Variants in DYNC2I2 observed in about 807,000 individuals in gnomAD.
DYNC2I2 encodes dynein 2 intermediate chain 2, also known as cytoplasmic dynein 2 intermediate chain 2.
A neutral mutation model predicts 52.0 loss-of-function variants in DYNC2I2; 39 were observed. The observed-to-expected ratio is 0.75, with a 90% CI of 0.58 to 0.98. DYNC2I2 has a LOEUF of 0.98. Ranked by LOEUF, DYNC2I2 falls within the 50% of genes least tolerant of loss-of-function variation. The pLI, the probability that DYNC2I2 is intolerant of heterozygous loss-of-function variation, is 0.00. For synonymous variants in DYNC2I2, 359 were observed against 321.1 expected (o/e 1.12, Z -1.26); for missense variants, 743 against 728.4 (o/e 1.02, Z -0.23).
the DYNC2I2 span, among the ~76,000 whole-genome samples, chr9:128,666,903 C>T: frequency 7.2e-5 from 11 of 151,824 alleles, no homozygotes; most frequent in Admixed American, 1.3e-4. Flanking sequence ...CCTGTTGCTA[C>T]GAAATACAAA....
chr9:128,679,908 A>C, the DYNC2I2 span, among the ~76,000 whole-genome samples: 1 of 152,148 alleles, frequency 6.6e-6, no homozygotes, highest in Non-Finnish European at 1.5e-5. Context: ...TTCATGAATG[A>C]AATACACTGG....
chr9:128,634,058 G>T, intron 8 of DYNC2I2, 76 bp from the exon 9 acceptor site: 1 of 1,570,224 alleles, frequency 6.4e-7, no homozygotes, highest in Non-Finnish European at 8.7e-7. Context: ...GCTAATGCCC[G>T]GGTTCAATCC....
chr9:128,673,631 G>A, the DYNC2I2 span, among the ~76,000 whole-genome samples: 2 of 150,624 alleles, frequency 1.3e-5, no homozygotes, highest in Non-Finnish European at 2.9e-5. Context: ...TCAGCCTCCC[G>A]AGTAGCTGGA....
chr9:128,679,598 G>T, the DYNC2I2 span, among the ~76,000 whole-genome samples: 1 of 151,840 alleles, frequency 6.6e-6, no homozygotes, highest in African/African-American at 2.4e-5. Flanking sequence ...TGAGTGGCTG[G>T]GACTAAAGTC....
upstream of DYNC2I2, chr9:128,656,917 G>A (rs1362618018): frequency 3.6e-6 from 2 of 560,368 alleles, no homozygotes; most frequent in Non-Finnish European, 2.8e-6. Flanking sequence ...GACCGGTTTT[G>A]CATACCCTGT....
the DYNC2I2 span, among the ~76,000 whole-genome samples, chr9:128,676,850 T>TG: frequency 2.2e-5 from 3 of 137,722 alleles, no homozygotes; most frequent in Non-Finnish European, 4.7e-5. Context: ...TTTTTTTTTT[T>TG]GTTTTGTTTT....
chr9:128,651,939 G>GAAAT, intron 1 of DYNC2I2: 1 of 143,010 alleles, frequency 7.0e-6, no homozygotes, highest in Admixed American at 7.0e-5. Context: ...AAAAAAGAAA[G>GAAAT]AAATATAGCA....
At chr9:128,668,715 G>A in the DYNC2I2 span, among the ~76,000 whole-genome samples, 2 of 151,696 alleles carry the variant, frequency 1.3e-5, no homozygotes, top group African/African-American at 4.8e-5. Flanking sequence ...AGCTACTGGG[G>A]AGGCTGAGGC....
chr9:128,647,082 G>A (rs552209267), intron 1 of DYNC2I2, among the ~76,000 whole-genome samples: 10 of 152,270 alleles, frequency 6.6e-5, no homozygotes, highest in African/African-American at 1.7e-4. Flanking sequence ...CTGAGATTGC[G>A]CCATCACACT....
the DYNC2I2 span, among the ~76,000 whole-genome samples, chr9:128,671,375 C>A: frequency 6.8e-6 from 1 of 147,228 alleles, no homozygotes; most frequent in Non-Finnish European, 1.5e-5. Context: ...GATTTCAGTT[C>A]ACTGCAAACT....
upstream of DYNC2I2, among the ~76,000 whole-genome samples, chr9:128,658,066 G>T (rs1860868565): frequency 6.6e-6 from 1 of 151,922 alleles, no homozygotes; most frequent in Non-Finnish European, 1.5e-5. Context: ...CTGTGCTTTA[G>T]CCTGGACAAG....
chr9:128,650,541 A>ATATATATATG lies in DYNC2I2; in HGVS notation c.186+5999_186+6000insCATATATATA, dbSNP rs1403022749. 6.0e-5 allele frequency among the ~76,000 whole-genome samples: 3 copies of ATATATATATG among 50,382 alleles called. 1 individual carries two copies. Among genetic ancestry groups the ATATATATATG allele is most frequent in the African/African-American group, 1.3e-4 (3 of 23,818 alleles). The allele number at this position is 50,382 out of a possible 152,430, so 33.1% of individuals were successfully genotyped here. A position where few individuals can be genotyped will look rare whatever the true frequency, so the allele number is the denominator to read the frequency against. The stretch of plus-strand genomic sequence containing the variant: ...GGCCAAAGACCATATATATATATAT[A>ATATATATATG]TATATATGCCACCACGCCCGGCTAA... On this transcript the variant is annotated intron_variant, in intron 1 of 8. Transcript: ENST00000372715.
At chr9:128,656,868 A>G (rs189367464), upstream of DYNC2I2, 1 of 854,724 alleles carries the variant, frequency 1.2e-6, no homozygotes, top group African/African-American at 1.8e-5. Flanking sequence ...CCTGGAAGAA[A>G]GAAAAGTAAC....
At chr9:128,636,158 G>A (rs1180503900) in intron 4 of DYNC2I2, 123 bp downstream of exon 4, 13 of 1,421,382 alleles carry the variant, frequency 9.1e-6, no homozygotes, top group Non-Finnish European at 1.2e-5. Flanking sequence ...TCCAGACTGA[G>A]AGGGTCAGGG....
intron 3 of DYNC2I2, among the ~76,000 whole-genome samples, chr9:128,636,640 G>A (rs1860421088): frequency 6.6e-6 from 1 of 152,196 alleles, no homozygotes; most frequent in South Asian, 2.1e-4. Flanking sequence ...CAGGCACCAA[G>A]GACAGTCCAT....
At chr9:128,673,312 T>C in the DYNC2I2 span, among the ~76,000 whole-genome samples, 4 of 152,148 alleles carry the variant, frequency 2.6e-5, no homozygotes, top group African/African-American at 9.6e-5. Flanking sequence ...AAAACATTTG[T>C]TAATGGTTAA....
At position 128,634,721 on chromosome 9, in the gene DYNC2I2, G is replaced by T. The variant is rs962171132; in HGVS notation, c.1182C>A (p.Pro394=). The change falls in exon 7 of 9, where the codon CCC becomes CCA. Residue 394 remains proline, a synonymous_variant. Transcript: ENST00000372715. ...AGGGGGAACAGCTCACAGAGTAGAT[G>T]GGACCGCCGTGGGGGGAGAAGGTAA... ...AQFTFSPHGG[P]IYSVSCSPFH... is the part of the protein sequence containing the mutation. 1 of 1,588,482 alleles carries T rather than the reference G, an allele frequency of 6.3e-7. No homozygotes were observed. The highest frequency in any genetic ancestry group is 1.3e-5 in the African/African-American group (1 of 74,720).
chr9:128,672,696 A>G, the DYNC2I2 span, among the ~76,000 whole-genome samples: 2 of 152,110 alleles, frequency 1.3e-5, no homozygotes, highest in African/African-American at 4.8e-5. Context: ...CACAGACACT[A>G]CAGAAGAGCA....
At chr9:128,658,942 G>C (rs1323561481), upstream of DYNC2I2, among the ~76,000 whole-genome samples, 1 of 151,674 alleles carries the variant, frequency 6.6e-6, no homozygotes, top group Non-Finnish European at 1.5e-5. Flanking sequence ...TGTTGCCCAG[G>C]CTGGTCTCGA....
Sources: allele counts gnomAD v4.1 joint callset (sites outside exome capture counted in the v4.1 genomes callset), GRCh38; gene constraint gnomAD v4.1.1; transcripts MANE v1.5; gene names NCBI Gene and HGNC (gene_info 2026-07-23, HGNC 2026-07-21).